USP34: variants seen among roughly 807,000 people sequenced by gnomAD.
The protein encoded by USP34 is ubiquitin specific peptidase 34.
A neutral mutation model predicts 460.3 loss-of-function variants in USP34; 70 were observed. The observed-to-expected ratio is 0.15, with a 90% CI of 0.13 to 0.19. The LOEUF (loss-of-function observed/expected upper bound fraction) is 0.19. Ranked by LOEUF, USP34 falls within the 10% of genes least tolerant of loss-of-function variation. The pLI, the probability that USP34 is intolerant of heterozygous loss-of-function variation, is 1.00. For missense variants in USP34, 3,985 were observed against 4,236.2 expected, an observed-to-expected ratio of 0.94 and a Z score of 1.65; for synonymous variants, 1,647 against 1,405.3, an observed-to-expected ratio of 1.17 and a Z score of -3.85.
At chr2:61,405,212 AAC>A (rs1693831713) in intron 3 of USP34, among the ~76,000 whole-genome samples, 2 of 133,120 alleles carry the variant, frequency 1.5e-5, no homozygotes, top group Admixed American at 8.8e-5. Flanking sequence ...CAGCCTGGGC[AAC>A]AGAGAGAGAC....
intron 42 of USP34, 191 bp downstream of exon 42, chr2:61,265,793 G>A (rs980172509): frequency 1.7e-5 from 12 of 698,536 alleles, no homozygotes; most frequent in Non-Finnish European, 1.8e-5. Context: ...AGAAAAAGCC[G>A]AAGTATTTAA....
At chr2:61,282,411 A>C (rs1349340852) in intron 37 of USP34, among the ~76,000 whole-genome samples, 1 of 152,226 alleles carries the variant, frequency 6.6e-6, no homozygotes. Flanking sequence ...AATAAAAATT[A>C]TATTGGCCTC....
intron 48 of USP34, 54 bp from the exon 49 acceptor site, chr2:61,248,737 G>T: frequency 6.8e-7 from 1 of 1,469,386 alleles, no homozygotes; most frequent in Non-Finnish European, 9.1e-7. Context: ...TACTTCAGTT[G>T]GTTTGATTTC....
At chr2:61,356,858 T>C (rs1363347157) in intron 10 of USP34, among the ~76,000 whole-genome samples, 1 of 152,196 alleles carries the variant, frequency 6.6e-6, no homozygotes, top group African/African-American at 2.4e-5. Context: ...GGGGATCAAC[T>C]GCATTTTTTC....
chr2:61,283,117 C>G, intron 37 of USP34, 28 bp downstream of exon 37: 1 of 1,599,342 alleles, frequency 6.3e-7, no homozygotes, highest in Non-Finnish European at 8.5e-7. Context: ...CAAAAAATAA[C>G]AGTACTAACC....
intron 25 of USP34, among the ~76,000 whole-genome samples, chr2:61,312,216 A>G (rs1690615297): frequency 6.6e-6 from 1 of 151,568 alleles, no homozygotes; most frequent in South Asian, 2.1e-4. Flanking sequence ...TAGGAGAGAT[A>G]GGAGGAATTA....
intron 41 of USP34, among the ~76,000 whole-genome samples, chr2:61,275,163 C>T (rs1161461722): frequency 6.6e-6 from 1 of 151,962 alleles, no homozygotes; most frequent in Non-Finnish European, 1.5e-5. Context: ...CCTGTAGTCC[C>T]AGCTGCTTGG....
rs1394440583 is a variant in USP34, at chr2:61,470,942, C to T, written c.-250G>A. 1.2e-5 allele frequency among the ~76,000 whole-genome samples: 1 copy of T among 85,428 alleles called. No homozygotes were observed. Among genetic ancestry groups the T allele is most frequent in the Non-Finnish European group, 2.3e-5 (1 of 44,052 alleles). 56.0% of individuals were successfully genotyped at this position (85,428 alleles called of 152,430 possible). A position where few individuals can be genotyped will look rare whatever the true frequency, so the allele number is the denominator to read the frequency against. On this transcript the variant is annotated 5_prime_UTR_variant, in exon 1 of 80. Coordinates refer to ENST00000398571, the MANE Select transcript of USP34 (RefSeq NM_014709.4). Reference sequence around the variant, plus strand: ...GCAGGCCGGAGGGGCGCCGAGGCGCCGGCGGCGGGGAAGGGGGGGAAGGAC... The same window carrying T: ...GCAGGCCGGAGGGGCGCCGAGGCGCTGGCGGCGGGGAAGGGGGGGAAGGAC...
chr2:61,277,423 G>C (rs375059656), intron 41 of USP34, among the ~76,000 whole-genome samples: 3 of 152,108 alleles, frequency 2.0e-5, no homozygotes, highest in African/African-American at 4.8e-5. Flanking sequence ...TTTCTGTAGG[G>C]ATGAGGTTTC....
Position 61,281,100 on chromosome 2 carries a change from T to C in USP34, c.5141A>G (p.Lys1714Arg), listed in dbSNP as rs374082233. 39 of 1,613,460 alleles carry C rather than the reference T, an allele frequency of 2.4e-5. No individual in the cohort carries two copies. The highest frequency in any genetic ancestry group is 5.3e-5 in the African/African-American group (4 of 74,918). Residue 1714 changes from lysine to arginine, a missense_variant, in exon 38 of 80, where the codon AAA becomes AGA. Around this residue, in one of 14 missense-constraint regions of USP34, gnomAD observed 1,114 missense variants for 1,122.5 expected, o/e 0.99. Transcript: ENST00000398571. ...LKFLPDAQAL[K>R]PIRIDDYEEE... ...ACAGTAAAATCTTACCCTAATAGGT[T>C]TGAGTGCTTGAGCATCAGGAAGAAA...
At chr2:61,213,327 TG>T (rs1687320637) in intron 68 of USP34, among the ~76,000 whole-genome samples, 1 of 152,064 alleles carries the variant, frequency 6.6e-6, no homozygotes, top group African/African-American at 2.4e-5. Context: ...TAATTTTCTC[TG>T]ACTAGAAATT....
At chr2:61,423,298 G>C (rs1450140997) in intron 1 of USP34, among the ~76,000 whole-genome samples, 1 of 152,032 alleles carries the variant, frequency 6.6e-6, no homozygotes, top group Admixed American at 6.6e-5. Flanking sequence ...ATTTTGTAGA[G>C]AGGGAGTTTC....
At chr2:61,260,441 A>G (rs1487388487) in intron 43 of USP34, among the ~76,000 whole-genome samples, 1 of 152,202 alleles carries the variant, frequency 6.6e-6, no homozygotes, top group Non-Finnish European at 1.5e-5. Flanking sequence ...ATTACAAATT[A>G]TTACCTCTCA....
intron 19 of USP34, among the ~76,000 whole-genome samples, chr2:61,333,473 A>G (rs975425183): frequency 1.3e-5 from 2 of 152,090 alleles, no homozygotes; most frequent in African/African-American, 4.8e-5. Context: ...GATTAGGCAT[A>G]CTCAACCTGT....
At chr2:61,221,676 T>A in intron 65 of USP34, 70 bp from the exon 66 acceptor site, 2 of 1,370,496 alleles carry the variant, frequency 1.5e-6, no homozygotes, top group Non-Finnish European at 2.0e-6. Context: ...AGAAGAAACA[T>A]ATATTCTACT....
chr2:61,327,080 A>C (rs1308929690), intron 20 of USP34, among the ~76,000 whole-genome samples: 1 of 151,988 alleles, frequency 6.6e-6, no homozygotes, highest in Non-Finnish European at 1.5e-5. Flanking sequence ...GCCACTGTGC[A>C]CAGCCTGGGC....
chr2:61,197,389 A>G (rs1236511341), intron 75 of USP34, among the ~76,000 whole-genome samples: 1 of 152,168 alleles, frequency 6.6e-6, no homozygotes, highest in Non-Finnish European at 1.5e-5. Context: ...CTTCTTTTGG[A>G]TGAGGAAATT....
At chr2:61,404,105 C>T (rs1035321274) in intron 3 of USP34, among the ~76,000 whole-genome samples, 8 of 144,692 alleles carry the variant, frequency 5.5e-5, no homozygotes, top group African/African-American at 1.5e-4. Context: ...TTAAAATATT[C>T]TTACGAAGAA....
rs770066341 is a variant in USP34 at position 61,350,336 on chromosome 2, T to G, written c.1431A>C (p.Ala477=). 16 of 1,613,686 alleles carry G rather than the reference T, an allele frequency of 9.9e-6. No homozygotes were observed. The highest frequency in any genetic ancestry group is 1.1e-5 in the Non-Finnish European group (13 of 1,179,852). The change falls in exon 12 of 80, where the codon GCA becomes GCC. Residue 477 remains alanine, a synonymous_variant. Coordinates refer to ENST00000398571, the MANE Select transcript of USP34 (RefSeq NM_014709.4). ...TCTGTTTAGATAACTGAGCCTTAGC[T>G]GCTAGTGCGTTATTCCACAGTGCTT... The part of the protein sequence containing the change: ...LIKALWNNAL[A]AKAQLSKQSS...
Sources: gnomAD v4.1 joint callset for allele counts (sites outside exome capture counted in the v4.1 genomes callset) on GRCh38, gnomAD v4.1.1 for gene constraint, gnomAD v4.1.1 regional missense constraint, MANE v1.5 for transcripts, NCBI Gene and HGNC (gene_info 2026-07-23, HGNC 2026-07-21) for gene names.